Variants in GALNT18 observed in about 807,000 individuals in gnomAD.
GALNT18 encodes the protein GalNAc-transferase 18.
A neutral mutation model predicts 69.5 loss-of-function variants in GALNT18; 44 were observed. That is an observed-to-expected ratio of 0.63 (90% CI 0.50 to 0.81). GALNT18 has a LOEUF of 0.81. Among genes scored for constraint, GALNT18 ranks in the 40% least tolerant of loss-of-function variants. GALNT18 has a pLI of 0.00. For synonymous variants in GALNT18, 364 were observed against 318.2 expected (o/e 1.14, Z -1.53); for missense variants, 715 against 810.0 (o/e 0.88, Z 1.42).
At position 11,621,780 on chromosome 11, in the gene GALNT18, G is replaced by A; in HGVS notation, c.-187C>T. On this transcript the variant is annotated 5_prime_UTR_variant, in exon 1 of 11. Coordinates refer to ENST00000227756, the MANE Select transcript of GALNT18 (RefSeq NM_198516.3). This position sits in a 1 kb window ranked among gnomAD's most constrained non-coding sequence, Gnocchi z 9.3. ...CGTGCCCAAGTTTGCAGCTCCTGCC[G>A]CTGGCCACCCGGAGAGACCTTGACA... The A allele has an allele frequency of 1.0e-5, 6 of 597,230 alleles. No individual in the cohort carries two copies. The highest frequency in any genetic ancestry group is 1.8e-5 in the Non-Finnish European group (6 of 336,170). The allele number at this position is 597,230 out of a possible 1,614,324, so 37.0% of individuals were successfully genotyped here.
At chr11:11,370,729 A>G (rs1306470920) in intron 6 of GALNT18, among the ~76,000 whole-genome samples, 1 of 152,170 alleles carries the variant, frequency 6.6e-6, no homozygotes, top group African/African-American at 2.4e-5. Flanking sequence ...TAATCTAAGG[A>G]AGGAAAAGCC....
chr11:11,531,354 A>G (rs6484973), intron 1 of GALNT18, among the ~76,000 whole-genome samples: 3 of 152,176 alleles, frequency 2.0e-5, no homozygotes, highest in African/African-American at 7.2e-5. Context: ...CTGTACCACC[A>G]CTGCCTGTTC....
At position 11,542,542 on chromosome 11, in the gene GALNT18, G is replaced by C. The variant is rs559890129; in HGVS notation, c.235+78817C>G. Among the ~76,000 whole-genome samples the C allele has an allele frequency of 6.6e-6, 1 of 152,316 alleles. No homozygotes were observed. The highest frequency in any genetic ancestry group is 6.5e-5 in the Admixed American group (1 of 15,298). On this transcript the variant is annotated intron_variant, in intron 1 of 10. Coordinates refer to ENST00000227756, the MANE Select transcript of GALNT18 (RefSeq NM_198516.3). The surrounding 1 kb of genome is among the most constrained non-coding windows in gnomAD (Gnocchi z 4.3). ...AAAGAATAATTCCTACCATGTCCTTGTTCCGGAAAACAGTCATGCCAAGCT... is the reference window on the plus strand; with the variant it reads ...AAAGAATAATTCCTACCATGTCCTTCTTCCGGAAAACAGTCATGCCAAGCT...
chr11:11,515,694 C>T (rs1306501351), intron 1 of GALNT18, among the ~76,000 whole-genome samples: 1 of 152,192 alleles, frequency 6.6e-6, no homozygotes, highest in Non-Finnish European at 1.5e-5. Context: ...GCCTCTCTGA[C>T]CAGATGAAAC....
In GALNT18 at chr11:11,480,228, A is replaced by ATTTC. The variant is rs1041977314; in HGVS notation, c.236-31296_236-31293dup. Among the ~76,000 whole-genome samples, 2 of 151,968 alleles carry ATTTC rather than the reference A, an allele frequency of 1.3e-5. No homozygotes were observed. The highest frequency in any genetic ancestry group is 2.4e-5 in the African/African-American group (1 of 41,412). On this transcript the variant is annotated intron_variant, in intron 1 of 10. Coordinates refer to ENST00000227756, the MANE Select transcript of GALNT18 (RefSeq NM_198516.3). The surrounding 1 kb of genome is among the most constrained non-coding windows in gnomAD (Gnocchi z 4.6). ...TAAAAGAAGGGGTCAATCTTTCTTT[A>ATTTC]TTTCTTTCTTTCTTCCTTCCTTCCT...
In GALNT18 at chr11:11,573,370, A is replaced by T. The variant is rs1459690143; in HGVS notation, c.235+47989T>A. Among the ~76,000 whole-genome samples, 1 of 152,222 alleles carries T rather than the reference A, an allele frequency of 6.6e-6. No individual in the cohort carries two copies. Among genetic ancestry groups the T allele is most frequent in the Non-Finnish European group, 1.5e-5 (1 of 68,044 alleles). Reference sequence around the variant, plus strand: ...GATTTCTGCCTGCTCCTTCTCTTACACTAAGGTACATGTGCCCACCTAAGT... The same window carrying T: ...GATTTCTGCCTGCTCCTTCTCTTACTCTAAGGTACATGTGCCCACCTAAGT... On this transcript the variant is annotated intron_variant, in intron 1 of 10. Transcript: ENST00000227756. This position sits in a 1 kb window ranked among gnomAD's most constrained non-coding sequence, Gnocchi z 4.6.
chr11:11,380,549 T>C (rs773465968), intron 3 of GALNT18, among the ~76,000 whole-genome samples: 1 of 152,222 alleles, frequency 6.6e-6, no homozygotes. Flanking sequence ...ATTAATATAA[T>C]CTAAAGTCAC....
In GALNT18 at chr11:11,341,197, A is replaced by C. The variant is rs1192296850; in HGVS notation, c.1093-193T>G. Reference sequence around the variant, plus strand: ...GCAGCAGGATGGCTATGGAGTCATTAATTCATATATTGGCTCTTATTGCTG... The same window carrying C: ...GCAGCAGGATGGCTATGGAGTCATTCATTCATATATTGGCTCTTATTGCTG... On this transcript the variant is annotated intron_variant, in intron 6 of 10. Transcript: ENST00000227756. The surrounding 1 kb of genome is among the most constrained non-coding windows in gnomAD (Gnocchi z 6.3). 6.6e-6 allele frequency among the ~76,000 whole-genome samples: 1 copy of C among 152,184 alleles called. No homozygotes were observed. Among genetic ancestry groups the C allele is most frequent in the Non-Finnish European group, 1.5e-5 (1 of 68,036 alleles).
rs1466575676 is a variant in GALNT18 at position 11,340,452 on chromosome 11, G to A, written c.1278+367C>T. On this transcript the variant is annotated intron_variant, in intron 7 of 10. Coordinates refer to ENST00000227756, the MANE Select transcript of GALNT18 (RefSeq NM_198516.3). This position sits in a 1 kb window ranked among gnomAD's most constrained non-coding sequence, Gnocchi z 4.2. The stretch of plus-strand genomic sequence containing the variant: ...ATTAAGATGCTTTTTGTAAATTTTT[G>A]TAGTTACTGGTATATTTGTAATCCA... Among the ~76,000 whole-genome samples the A allele has an allele frequency of 1.3e-5, 2 of 152,158 alleles. No homozygotes were observed. The highest frequency in any genetic ancestry group is 4.8e-5 in the African/African-American group (2 of 41,434).
rs200147329 is a variant in GALNT18, at chr11:11,383,841, G to C, written c.596-4577C>G. Reference sequence around the variant, plus strand: ...CCTCTCTCTCTCTCTCTCTCTCTCTGTCTCTCTCTCCCTCTCTCTCCTGCC... The same window carrying C: ...CCTCTCTCTCTCTCTCTCTCTCTCTCTCTCTCTCTCCCTCTCTCTCCTGCC... On this transcript the variant is annotated intron_variant, in intron 3 of 10. Transcript: ENST00000227756. This position sits in a 1 kb window ranked among gnomAD's most constrained non-coding sequence, Gnocchi z 5.2. Among the ~76,000 whole-genome samples, 2 of 99,168 alleles carry C rather than the reference G, an allele frequency of 2.0e-5. No homozygotes were observed. Among genetic ancestry groups the C allele is most frequent in the African/African-American group, 3.5e-5 (1 of 28,354 alleles). The allele number at this position is 99,168 out of a possible 152,430, so 65.1% of individuals were successfully genotyped here.
Position 11,381,240 on chromosome 11 carries a change from C to A in GALNT18, c.596-1976G>T, listed in dbSNP as rs189805573. Among the ~76,000 whole-genome samples, 3 of 152,282 alleles carry A rather than the reference C, an allele frequency of 2.0e-5. No homozygotes were observed. The East Asian group carries it at 5.8e-4, about 29-fold the overall frequency. On this transcript the variant is annotated intron_variant, in intron 3 of 10. Coordinates refer to ENST00000227756, the MANE Select transcript of GALNT18 (RefSeq NM_198516.3). Reference sequence around the variant, plus strand: ...CTTCCAAGGTCCATTTCTCATATATCCTTTTTGAAAAATTTAAATAGAGCT... The same window carrying A: ...CTTCCAAGGTCCATTTCTCATATATACTTTTTGAAAAATTTAAATAGAGCT...
At position 11,563,996 on chromosome 11, in the gene GALNT18, TA is replaced by T. The variant is rs924704787; in HGVS notation, c.235+57362del. On this transcript the variant is annotated intron_variant, in intron 1 of 10. Coordinates refer to ENST00000227756, the MANE Select transcript of GALNT18 (RefSeq NM_198516.3). This position sits in a 1 kb window ranked among gnomAD's most constrained non-coding sequence, Gnocchi z 4.6. Reference sequence around the variant, plus strand: ...GACATGATGGCTTGCTCCAACGCCCTAAAAACCAGCAACGATCAACTAGATG... The same window carrying T: ...GACATGATGGCTTGCTCCAACGCCCTAAAACCAGCAACGATCAACTAGATG... 6.6e-6 allele frequency among the ~76,000 whole-genome samples: 1 copy of T among 152,162 alleles called. No individual in the cohort carries two copies.
chr11:11,385,900 G>C (rs763654996), intron 3 of GALNT18, among the ~76,000 whole-genome samples: 7 of 152,018 alleles, frequency 4.6e-5, no homozygotes, highest in Non-Finnish European at 8.8e-5. Context: ...CAGTATGACT[G>C]GTATTCTTAA....
rs919050362 is a variant in GALNT18, at chr11:11,562,514, C to T, written c.235+58845G>A. Among the ~76,000 whole-genome samples, 2 of 152,170 alleles carry T rather than the reference C, an allele frequency of 1.3e-5. No homozygotes were observed. The highest frequency in any genetic ancestry group is 6.5e-5 in the Admixed American group (1 of 15,296). On this transcript the variant is annotated intron_variant, in intron 1 of 10. Coordinates refer to ENST00000227756, the MANE Select transcript of GALNT18 (RefSeq NM_198516.3). This position sits in a 1 kb window ranked among gnomAD's most constrained non-coding sequence, Gnocchi z 4.1. ...TTCAACCCATAATACTCCCCTAGAC[C>T]CTGGACCTTCAAGTACACAGAACTG...
At chr11:11,352,654 C>T in intron 6 of GALNT18, 1 of 1,614,174 alleles carries the variant, frequency 6.2e-7, no homozygotes, top group Non-Finnish European at 8.5e-7. Flanking sequence ...GGCTTGACAT[C>T]TCTGTGCATA....
intron 6 of GALNT18, chr11:11,352,185 C>A (rs756081194): frequency 1.9e-6 from 3 of 1,613,580 alleles, no homozygotes; most frequent in Admixed American, 3.3e-5. Context: ...TGCAGTAAGC[C>A]GTGACTGGTG....
intron 8 of GALNT18, among the ~76,000 whole-genome samples, chr11:11,328,271 C>A (rs1170176506): frequency 3.3e-5 from 5 of 152,194 alleles, no homozygotes; most frequent in Admixed American, 6.5e-5. Context: ...GTCTGTGGTA[C>A]CTTTACCCCC....
chr11:11,451,113 C>T (rs1855785505), intron 1 of GALNT18, among the ~76,000 whole-genome samples: 1 of 152,170 alleles, frequency 6.6e-6, no homozygotes, highest in Non-Finnish European at 1.5e-5. Context: ...TAAGACACAG[C>T]ATTGTCAGGA....
chr11:11,565,738 G>A (rs1180366607), intron 1 of GALNT18, among the ~76,000 whole-genome samples: 1 of 152,338 alleles, frequency 6.6e-6, no homozygotes, highest in East Asian at 1.9e-4. Flanking sequence ...ACAGAAAATA[G>A]ATCAATGCAC....
Sources: allele counts gnomAD v4.1 joint callset (sites outside exome capture counted in the v4.1 genomes callset), GRCh38; gene constraint gnomAD v4.1.1; non-coding constraint Gnocchi (gnomAD v3.1); transcripts MANE v1.5; gene names NCBI Gene and HGNC (gene_info 2026-07-23, HGNC 2026-07-21).